Variants in PRDM1 observed in about 807,000 individuals in gnomAD.
PRDM1 encodes PR domain zinc finger protein 1.
In PRDM1, 13 loss-of-function variants were observed where a neutral mutation model predicts 62.8. That is an observed-to-expected ratio of 0.21 (90% CI 0.13 to 0.33). The LOEUF is 0.33. Ranked by LOEUF, PRDM1 falls within the 10% of genes least tolerant of loss-of-function variation. The pLI is 1.00. For missense variants in PRDM1, 895 were observed against 1,058.8 expected, an observed-to-expected ratio of 0.85 and a Z score of 2.15; for synonymous variants, 396 against 417.6, an observed-to-expected ratio of 0.95 and a Z score of 0.63.
upstream of PRDM1, chr6:106,086,207 G>A (rs1045174118): frequency 5.9e-6 from 2 of 339,474 alleles, no homozygotes; most frequent in Non-Finnish European, 1.1e-5. Context: ...AGCTCTCGGC[G>A]GCTGTGCTAG....
chr6:106,013,421 G>A (rs368250331), intron 1 of PRDM1, among the ~76,000 whole-genome samples: 34 of 149,314 alleles, frequency 2.3e-4, no homozygotes, highest in Non-Finnish European at 3.8e-4. Context: ...TCCACCTCCC[G>A]GGTTCAAGCG....
chr6:106,033,063 C>T (rs1248035495), intron 1 of PRDM1, among the ~76,000 whole-genome samples: 2 of 81,140 alleles, frequency 2.5e-5, no homozygotes, highest in Non-Finnish European at 4.7e-5. Flanking sequence ...GATAACAAAA[C>T]ATGGGTAGTT....
intron 1 of PRDM1, among the ~76,000 whole-genome samples, chr6:106,027,764 G>A (rs77222414): frequency 1.3e-5 from 2 of 152,052 alleles, no homozygotes; most frequent in East Asian, 3.9e-4. Flanking sequence ...CTACAAATGA[G>A]GGGCAAAAAC....
intron 1 of PRDM1, among the ~76,000 whole-genome samples, chr6:106,036,020 G>A (rs375807262): frequency 1.0e-3 from 158 of 151,808 alleles, no homozygotes; most frequent in African/African-American, 3.6e-3. Context: ...CACCTGCCTC[G>A]GCCTCCCAAA....
chr6:106,074,410 A>G (rs535014021), intron 1 of PRDM1, among the ~76,000 whole-genome samples: 2 of 152,318 alleles, frequency 1.3e-5, no homozygotes, highest in Admixed American at 1.3e-4. Flanking sequence ...TTTAAAATAC[A>G]TTACTCATGT....
At chr6:106,029,884 G>A (rs1434249285) in intron 1 of PRDM1, among the ~76,000 whole-genome samples, 4 of 151,614 alleles carry the variant, frequency 2.6e-5, no homozygotes, top group South Asian at 2.1e-4. Context: ...CTCCCAAAGC[G>A]TTAGGATTAC....
intron 1 of PRDM1, among the ~76,000 whole-genome samples, chr6:106,002,717 A>G (rs1772441050): frequency 6.6e-6 from 1 of 152,178 alleles, no homozygotes; most frequent in Non-Finnish European, 1.5e-5. Flanking sequence ...AAAAAATGAT[A>G]TTTGAGGCAT....
At chr6:106,029,182 G>A (rs1397717717) in intron 1 of PRDM1, among the ~76,000 whole-genome samples, 2 of 152,126 alleles carry the variant, frequency 1.3e-5, no homozygotes, top group African/African-American at 4.8e-5. Context: ...GCCTCCCAAA[G>A]TGCTGGGATT....
intron 1 of PRDM1, among the ~76,000 whole-genome samples, chr6:106,042,000 G>T (rs1773004807): frequency 6.6e-6 from 1 of 150,820 alleles, no homozygotes; most frequent in South Asian, 2.1e-4. Flanking sequence ...TAGAGATGGG[G>T]TTTCACTATA....
intron 2 of PRDM1, among the ~76,000 whole-genome samples, chr6:106,093,164 A>T (rs1774007514): frequency 1.3e-5 from 2 of 152,210 alleles, no homozygotes; most frequent in South Asian, 4.1e-4. Context: ...TTTATAGCTT[A>T]CTAGTGATGA....
At chr6:106,049,582 A>C (rs1014433455) in intron 1 of PRDM1, among the ~76,000 whole-genome samples, 23 of 151,870 alleles carry the variant, frequency 1.5e-4, no homozygotes, top group Non-Finnish European at 2.8e-4. Flanking sequence ...CTTCTCCACC[A>C]CCTGCCCTGG....
At chr6:106,018,357 C>G (rs1329828074) in intron 1 of PRDM1, among the ~76,000 whole-genome samples, 2 of 152,136 alleles carry the variant, frequency 1.3e-5, no homozygotes, top group African/African-American at 4.8e-5. Context: ...TTCATATTCC[C>G]CACACTCAAT....
intron 1 of PRDM1, among the ~76,000 whole-genome samples, chr6:106,020,610 A>T (rs1772687304): frequency 6.6e-6 from 1 of 152,180 alleles, no homozygotes; most frequent in South Asian, 2.1e-4. Context: ...GATCCAGTCC[A>T]CGTCTACAAA....
chr6:106,017,109 G>A (rs1772632133), intron 1 of PRDM1, among the ~76,000 whole-genome samples: 1 of 152,134 alleles, frequency 6.6e-6, no homozygotes, highest in African/African-American at 2.4e-5. Context: ...GTCCATTTTT[G>A]TGTTTGTTAA....
intron 1 of PRDM1, among the ~76,000 whole-genome samples, chr6:106,016,900 C>T (rs539444072): frequency 1.3e-5 from 2 of 152,298 alleles, no homozygotes; most frequent in East Asian, 3.9e-4. Flanking sequence ...GATCTGCCCG[C>T]CTTGGCCTCC....
intron 1 of PRDM1, among the ~76,000 whole-genome samples, chr6:106,013,648 T>G (rs1772583988): frequency 6.6e-6 from 1 of 152,120 alleles, no homozygotes; most frequent in Non-Finnish European, 1.5e-5. Context: ...TAAAGTTCCT[T>G]TCTTCTTTTG....
At chr6:106,058,051 T>C (rs750406394) in intron 1 of PRDM1, among the ~76,000 whole-genome samples, 29 of 152,220 alleles carry the variant, frequency 1.9e-4, no homozygotes, top group Non-Finnish European at 3.8e-4. Context: ...ACTCTTCACC[T>C]CCTTGGCCTA....
At chr6:106,019,728 C>G (rs1772670401) in intron 1 of PRDM1, among the ~76,000 whole-genome samples, 1 of 150,842 alleles carries the variant, frequency 6.6e-6, no homozygotes, top group Non-Finnish European at 1.5e-5. Context: ...GCAACCTCTG[C>G]CTCCTGGCTT....
rs562098684 is a variant in PRDM1, at chr6:106,096,778, A to C, written c.411+1044A>C. Reference sequence around the variant, plus strand: ...ACTGGATTAGCAGTGAACAGAAAAAAGTCAGATTGCTTTCCTTCTTCCCAT... The same window carrying C: ...ACTGGATTAGCAGTGAACAGAAAAACGTCAGATTGCTTTCCTTCTTCCCAT... On this transcript the variant is annotated intron_variant, in intron 3 of 6. Coordinates refer to ENST00000369096, the MANE Select transcript of PRDM1 (RefSeq NM_001198.4). Among the ~76,000 whole-genome samples the C allele has an allele frequency of 4.6e-5, 7 of 152,352 alleles. No individual in the cohort carries two copies. The East Asian group carries it at 1.3e-3, about 29-fold the overall frequency.
Sources: gnomAD v4.1 joint callset for allele counts (sites outside exome capture counted in the v4.1 genomes callset) on GRCh38, gnomAD v4.1.1 for gene constraint, MANE v1.5 for transcripts, NCBI Gene and HGNC (gene_info 2026-07-23, HGNC 2026-07-21) for gene names.